NSUN6: variants seen among roughly 807,000 people sequenced by gnomAD.
The protein encoded by NSUN6 is tRNA (cytosine(72)-C(5))-methyltransferase NSUN6.
Under a neutral mutation model 58.0 loss-of-function variants are expected in NSUN6, and 64 were observed. The observed-to-expected ratio is 1.10, with a 90% CI of 0.90 to 1.36. NSUN6 has a LOEUF of 1.36. Among genes scored for constraint, NSUN6 ranks in the 40% most tolerant of loss-of-function variants. NSUN6 has a pLI of 0.00. For missense variants in NSUN6, 701 were observed against 550.1 expected (o/e 1.27, Z -2.74); for synonymous variants, 231 against 193.9 (o/e 1.19, Z -1.59).
At chr10:18,558,112 A>G in intron 8 of NSUN6, among the ~76,000 whole-genome samples, 1 of 151,478 alleles carries the variant, frequency 6.6e-6, no homozygotes, top group East Asian at 1.9e-4. Flanking sequence ...ATAGAGTGGA[A>G]TGGACTGGAG....
chr10:18,631,600 T>C (rs1474279221), intron 3 of NSUN6, among the ~76,000 whole-genome samples: 1 of 138,828 alleles, frequency 7.2e-6, no homozygotes, highest in Non-Finnish European at 1.5e-5. Flanking sequence ...AGCATTCTTA[T>C]ACACCAACAA....
intron 6 of NSUN6, among the ~76,000 whole-genome samples, chr10:18,603,110 T>A (rs990614053): frequency 3.9e-5 from 6 of 152,124 alleles, no homozygotes. Context: ...CTGGCCAACA[T>A]GGCAAAACCC....
rs1361864157 is a variant in NSUN6 at position 18,570,235 on chromosome 10, C to CTACAT, written c.922+15713_922+15714insATGTA. 9.3e-5 allele frequency among the ~76,000 whole-genome samples: 14 copies of CTACAT among 150,828 alleles called. No homozygotes were observed. The Admixed American group carries it at 9.3e-4, about 10-fold the overall frequency. ...CCATCCCATTCCATTGCATTCTATT[C>CTACAT]TCCATTCCATTCCATTCAATTCTCG... On this transcript the variant is annotated intron_variant, in intron 8 of 10. Coordinates refer to ENST00000377304, the MANE Select transcript of NSUN6 (RefSeq NM_182543.5).
intron 8 of NSUN6, among the ~76,000 whole-genome samples, chr10:18,557,418 T>C (rs908808433): frequency 4.2e-4 from 60 of 142,532 alleles, no homozygotes; most frequent in African/African-American, 1.5e-3. Flanking sequence ...GAATGGAGAA[T>C]GGAATGGAAT....
At chr10:18,556,263 A>T (rs1292637974) in intron 8 of NSUN6, among the ~76,000 whole-genome samples, 1 of 150,904 alleles carries the variant, frequency 6.6e-6, no homozygotes, top group Non-Finnish European at 1.5e-5. Flanking sequence ...AATGGAATGA[A>T]GAATGGAATG....
At chr10:18,582,675 G>C (rs1815140975) in intron 8 of NSUN6, among the ~76,000 whole-genome samples, 1 of 152,146 alleles carries the variant, frequency 6.6e-6, no homozygotes, top group South Asian at 2.1e-4. Context: ...AATTAGTGGA[G>C]GGTAACAGTG....
chr10:18,639,083 C>T (rs940368733), intron 3 of NSUN6, among the ~76,000 whole-genome samples: 5 of 151,608 alleles, frequency 3.3e-5, no homozygotes, highest in African/African-American at 9.7e-5. Flanking sequence ...GGCGAGACCT[C>T]GTCTCAAACA....
At chr10:18,616,774 C>T (rs1166973517) in intron 3 of NSUN6, among the ~76,000 whole-genome samples, 2 of 152,120 alleles carry the variant, frequency 1.3e-5, no homozygotes, top group African/African-American at 2.4e-5. Flanking sequence ...CAGTTTCTCA[C>T]ATTCATTTCT....
chr10:18,580,936 A>C (rs2056877111), intron 8 of NSUN6, among the ~76,000 whole-genome samples: 1 of 152,196 alleles, frequency 6.6e-6, no homozygotes, highest in Non-Finnish European at 1.5e-5. Context: ...GTGAAAGTTT[A>C]TTAGAAAGTT....
rs138731026 is a variant in NSUN6 at position 18,614,563 on chromosome 10, A to G, written c.472T>C (p.Cys158Arg). 14 of 1,522,120 alleles carry G rather than the reference A, an allele frequency of 9.2e-6. No individual in the cohort carries two copies. Among genetic ancestry groups the G allele is most frequent in the Non-Finnish European group, 1.2e-5 (13 of 1,123,494 alleles). The allele number at this position is 1,522,120 out of a possible 1,614,324, so 94.3% of individuals were successfully genotyped here. ...TCAAATTCTTTGGCTCCTTTCTTACATTTTCCTTTAATATCAGAGTATACA... is the reference window on the plus strand; with the variant it reads ...TCAAATTCTTTGGCTCCTTTCTTACGTTTTCCTTTAATATCAGAGTATACA... Reference protein sequence around the residue: ...ISVYSDIKGKCKKGAKEFDGT... With the variant: ...ISVYSDIKGKRKKGAKEFDGT... Residue 158 changes from cysteine to arginine, a missense_variant, in exon 5 of 11, where the codon TGT becomes CGT. Cys to Arg is a radical substitution (Grantham distance 180). Coordinates refer to ENST00000377304, the MANE Select transcript of NSUN6 (RefSeq NM_182543.5).
At chr10:18,597,443 G>A (rs115822926) in intron 6 of NSUN6, among the ~76,000 whole-genome samples, 1 of 152,114 alleles carries the variant, frequency 6.6e-6, no homozygotes, top group African/African-American at 2.4e-5. Flanking sequence ...CCTACCAAAA[G>A]ACTGAACAAT....
At position 18,549,526 on chromosome 10, in the gene NSUN6, CATTT is replaced by C. The variant is rs377433862; in HGVS notation, c.1072-1293_1072-1290del. Among the ~76,000 whole-genome samples the C allele has an allele frequency of 6.4e-4, 97 of 152,248 alleles. No individual in the cohort carries two copies. The East Asian group carries it at 0.012, about 19-fold the overall frequency. ...TTGCCTTCTAATATACTAAAAAACTCATTTATTTATTTCCTTTCCTAGTTAGAAT... is the reference window on the plus strand; with the variant it reads ...TTGCCTTCTAATATACTAAAAAACTCATTTATTTCCTTTCCTAGTTAGAAT... On this transcript the variant is annotated intron_variant, in intron 9 of 10. Coordinates refer to ENST00000377304, the MANE Select transcript of NSUN6 (RefSeq NM_182543.5).
chr10:18,649,564 G>A (rs1286678770), intron 1 of NSUN6, among the ~76,000 whole-genome samples: 1 of 150,700 alleles, frequency 6.6e-6, no homozygotes, highest in Non-Finnish European at 1.5e-5. Flanking sequence ...AGAGGTCGAA[G>A]CAGCAGTGAG....
chr10:18,549,145 ACAGT>A (rs1797146648), intron 9 of NSUN6, among the ~76,000 whole-genome samples: 2 of 152,158 alleles, frequency 1.3e-5, no homozygotes, highest in African/African-American at 4.8e-5. Flanking sequence ...ATGATCACTT[ACAGT>A]CAAAGTCCTT....
At chr10:18,585,555 A>T (rs2057092520) in intron 8 of NSUN6, among the ~76,000 whole-genome samples, 1 of 152,268 alleles carries the variant, frequency 6.6e-6, no homozygotes. Flanking sequence ...TAAGCCAGGC[A>T]GTGAAGGACA....
At chr10:18,547,753 G>C (rs2054368456) in intron 10 of NSUN6, among the ~76,000 whole-genome samples, 1 of 152,012 alleles carries the variant, frequency 6.6e-6, no homozygotes, top group Admixed American at 6.6e-5. Flanking sequence ...TGACATGAGA[G>C]AAAATGCTCA....
At chr10:18,636,885 T>C in intron 3 of NSUN6, among the ~76,000 whole-genome samples, 1 of 139,324 alleles carries the variant, frequency 7.2e-6, no homozygotes. Context: ...CAAGATTCCA[T>C]CTCAAAAAAA....
intron 8 of NSUN6, among the ~76,000 whole-genome samples, chr10:18,556,479 T>A (rs1342725861): frequency 6.8e-6 from 1 of 147,908 alleles, no homozygotes; most frequent in African/African-American, 2.5e-5. Context: ...TGGAATGGAA[T>A]GGAATGGAGA....
At chr10:18,647,552 A>T (rs2059580675) in intron 2 of NSUN6, among the ~76,000 whole-genome samples, 2 of 152,338 alleles carry the variant, frequency 1.3e-5, no homozygotes, top group South Asian at 4.1e-4. Context: ...CTTTCTGCTT[A>T]GAAGTCATAA....
Sources: gnomAD v4.1 joint callset for allele counts (sites outside exome capture counted in the v4.1 genomes callset) on GRCh38, gnomAD v4.1.1 for gene constraint, MANE v1.5 for transcripts, NCBI Gene and HGNC (gene_info 2026-07-23, HGNC 2026-07-21) for gene names.